Variants in FGF14 observed in about 807,000 individuals in gnomAD.
FGF14 encodes fibroblast growth factor homologous factor 4.
In FGF14, 5 loss-of-function variants were observed where a neutral mutation model predicts 25.5. That is an observed-to-expected ratio of 0.20 (90% CI 0.10 to 0.41). FGF14 has a LOEUF of 0.41. Ranked by LOEUF, FGF14 falls within the 10% of genes least tolerant of loss-of-function variation. FGF14 has a pLI of 1.00. For missense variants in FGF14, 222 were observed against 320.1 expected (o/e 0.69, Z 2.34); for synonymous variants, 138 against 118.3 (o/e 1.17, Z -1.08).
intron 1 of FGF14, among the ~76,000 whole-genome samples, chr13:102,361,860 AT>A (rs573303113): frequency 9.3e-5 from 14 of 150,424 alleles, no homozygotes; most frequent in Middle Eastern, 3.5e-3. Flanking sequence ...ACAAGATAGG[AT>A]TTTTTTTTTA....
chr13:102,401,792 C>T, upstream of FGF14: 1 of 861,074 alleles, frequency 1.2e-6, no homozygotes, highest in Admixed American at 2.0e-5. Flanking sequence ...GATTTATCCC[C>T]CCTCGATCAC....
At chr13:102,349,441 T>C (rs1375790920) in intron 1 of FGF14, among the ~76,000 whole-genome samples, 1 of 152,208 alleles carries the variant, frequency 6.6e-6, no homozygotes, top group Admixed American at 6.5e-5. Context: ...AATATAATAT[T>C]CATTCTATTG....
intron 1 of FGF14, among the ~76,000 whole-genome samples, chr13:102,155,989 A>G (rs531457889): frequency 3.3e-4 from 51 of 152,308 alleles, no homozygotes; most frequent in Non-Finnish European, 5.9e-5. Flanking sequence ...TAGACCAATA[A>G]TAGGCTCTGA....
intron 1 of FGF14, among the ~76,000 whole-genome samples, chr13:102,327,475 T>A (rs2056491521): frequency 6.6e-6 from 1 of 152,146 alleles, no homozygotes; most frequent in Non-Finnish European, 1.5e-5. Flanking sequence ...AATAAATAGA[T>A]TTGGCCAAAT....
intron 1 of FGF14, among the ~76,000 whole-genome samples, chr13:102,011,374 T>G (rs532780123): frequency 1.1e-4 from 17 of 152,372 alleles, no homozygotes; most frequent in African/African-American, 4.1e-4. Flanking sequence ...AAGTGTCTAT[T>G]CCTAACGCTG....
chr13:101,763,351 C>T (rs951064591), intron 3 of FGF14, among the ~76,000 whole-genome samples: 4 of 152,128 alleles, frequency 2.6e-5, no homozygotes, highest in Non-Finnish European at 5.9e-5. Context: ...CTGGAATGTA[C>T]CACTGTCAAT....
intron 1 of FGF14, among the ~76,000 whole-genome samples, chr13:102,326,693 GGGAAGGAAGGAAGGAA>G (rs372687332): frequency 7.8e-4 from 23 of 29,378 alleles, no homozygotes; most frequent in East Asian, 6.8e-3. Context: ...GGGAAGGGAA[GGGAAGGAAGGAAGGAA>G]GGAAGGAAGG....
chr13:102,397,189 C>G (rs942007828), intron 1 of FGF14, among the ~76,000 whole-genome samples: 3 of 152,086 alleles, frequency 2.0e-5, no homozygotes, highest in Non-Finnish European at 2.9e-5. Flanking sequence ...TTCTCACTTC[C>G]AAACACCATG....
rs182821819 is a variant in FGF14 at position 102,007,736 on chromosome 13, A to C, written c.209-132440T>G. Among the ~76,000 whole-genome samples the C allele has an allele frequency of 1.2e-4, 19 of 152,320 alleles. No homozygotes were observed. In the East Asian group the frequency reaches 3.7e-3, roughly 29 times the overall value. On this transcript the variant is annotated intron_variant, in intron 1 of 4. Coordinates refer to the FGF14 transcript ENST00000376131. ...AAATGCCTCTGATTTTCATCAAAAT[A>C]ATCACAGGGGGTTATTAACTTTTCA...
intron 1 of FGF14, among the ~76,000 whole-genome samples, chr13:102,023,886 G>A (rs1435421238): frequency 6.6e-6 from 1 of 152,022 alleles, no homozygotes; most frequent in Non-Finnish European, 1.5e-5. Context: ...GAATCTAAAT[G>A]AGGTCCCAGT....
chr13:102,218,756 A>G (rs772018392), intron 1 of FGF14, among the ~76,000 whole-genome samples: 2 of 152,128 alleles, frequency 1.3e-5, no homozygotes, highest in African/African-American at 2.4e-5. Context: ...ATGCTTACTC[A>G]TAAAACGATA....
At chr13:102,014,221 TATAATA>T (rs898174451) in intron 1 of FGF14, among the ~76,000 whole-genome samples, 2 of 151,838 alleles carry the variant, frequency 1.3e-5, no homozygotes, top group African/African-American at 4.8e-5. Flanking sequence ...AAACTTAAAG[TATAATA>T]ATAATAAAAT....
chr13:102,238,318 A>T (rs2051422935), intron 1 of FGF14, among the ~76,000 whole-genome samples: 2 of 152,222 alleles, frequency 1.3e-5, no homozygotes, highest in Admixed American at 1.3e-4. Context: ...ATGATTTAAA[A>T]TGTGTAGAAT....
intron 1 of FGF14, among the ~76,000 whole-genome samples, chr13:101,985,805 G>C (rs1035063656): frequency 3.3e-5 from 5 of 152,012 alleles, no homozygotes; most frequent in Non-Finnish European, 7.4e-5. Context: ...CTTTGATGCA[G>C]CTTAAATATT....
At chr13:101,730,715 T>A (rs560827847) in intron 3 of FGF14, among the ~76,000 whole-genome samples, 1 of 152,270 alleles carries the variant, frequency 6.6e-6, no homozygotes, top group East Asian at 1.9e-4. Context: ...TTGTAATTGA[T>A]GAGATCTCCA....
At chr13:102,387,874 C>A (rs987341377) in intron 1 of FGF14, among the ~76,000 whole-genome samples, 1 of 152,078 alleles carries the variant, frequency 6.6e-6, no homozygotes, top group East Asian at 1.9e-4. Context: ...GGACTACAGG[C>A]GCATACTACC....
chr13:101,925,696 G>A (rs533941448), intron 1 of FGF14, among the ~76,000 whole-genome samples: 50 of 152,138 alleles, frequency 3.3e-4, no homozygotes, highest in African/African-American at 5.5e-4. Flanking sequence ...AATTATTCCC[G>A]AGTCTTTCTC....
chr13:102,221,821 A>G (rs990820346), intron 1 of FGF14, among the ~76,000 whole-genome samples: 3 of 152,192 alleles, frequency 2.0e-5, no homozygotes, highest in Non-Finnish European at 4.4e-5. Flanking sequence ...TCCTAACTAG[A>G]CTACAAGTTC....
intron 1 of FGF14, among the ~76,000 whole-genome samples, chr13:102,057,755 G>A (rs563018666): frequency 6.6e-6 from 1 of 152,164 alleles, no homozygotes; most frequent in South Asian, 2.1e-4. Context: ...TTGAATAAAG[G>A]AATAGATAAA....
Sources: gnomAD v4.1 joint callset for allele counts (sites outside exome capture counted in the v4.1 genomes callset) on GRCh38, gnomAD v4.1.1 for gene constraint, MANE v1.5 for transcripts, NCBI Gene and HGNC (gene_info 2026-07-23, HGNC 2026-07-21) for gene names.